The following RAP1A variants were observed in gnomAD, a reference collection of about 807,000 sequenced individuals.
RAP1A encodes the protein ras-related protein Rap-1A.
In RAP1A, 6 loss-of-function variants were observed where a neutral mutation model predicts 26.4. That is an observed-to-expected ratio of 0.23 (90% confidence interval 0.12 to 0.45). The LOEUF (loss-of-function observed/expected upper bound fraction) is 0.45. Ranked by LOEUF, RAP1A falls within the 20% of genes least tolerant of loss-of-function variation. The pLI is 0.99. For missense variants in RAP1A, 121 were observed against 217.2 expected (o/e 0.56, Z 2.78); for synonymous variants, 73 against 79.4 (o/e 0.92, Z 0.43).
At chr1:111,655,151 C>T (rs1260631065) in intron 1 of RAP1A, among the ~76,000 whole-genome samples, 2 of 150,860 alleles carry the variant, frequency 1.3e-5, no homozygotes, top group Non-Finnish European at 2.9e-5. Context: ...CACTGGTACC[C>T]AATCCTTAGC....
upstream of RAP1A, among the ~76,000 whole-genome samples, chr1:111,616,927 CAT>C (rs1422280881): frequency 1.3e-5 from 2 of 152,194 alleles, no homozygotes. Flanking sequence ...CTTTTCATTG[CAT>C]AGAGAACAGA....
intron 1 of RAP1A, among the ~76,000 whole-genome samples, chr1:111,562,164 C>G (rs979274744): frequency 1.3e-5 from 2 of 152,100 alleles, no homozygotes; most frequent in African/African-American, 4.8e-5. Flanking sequence ...GTGGACAAAT[C>G]TTAGCTATTC....
At chr1:111,706,206 G>C (rs1489569402) in intron 6 of RAP1A, among the ~76,000 whole-genome samples, 2 of 152,176 alleles carry the variant, frequency 1.3e-5, no homozygotes, top group African/African-American at 4.8e-5. Flanking sequence ...CTCAGTTCTT[G>C]AGAGTGGGGA....
rs572730123 is a variant in RAP1A, at chr1:111,585,505, C to T, written c.-28+42996C>T. 4.0e-5 allele frequency among the ~76,000 whole-genome samples: 6 copies of T among 151,784 alleles called. No homozygotes were observed. The East Asian group carries it at 5.8e-4, about 15-fold the overall frequency. ...CAACAGAAAAAAAAAAGCAGTAATA[C>T]GGTTTTTTTGATGTCAGTCTGAGCC... On this transcript the variant is annotated intron_variant, in intron 1 of 7. Transcript: ENST00000356415.
intron 1 of RAP1A, among the ~76,000 whole-genome samples, chr1:111,571,373 C>T (rs1658045914): frequency 6.6e-6 from 1 of 152,304 alleles, no homozygotes; most frequent in Admixed American, 6.5e-5. Context: ...AGCCCTGCCT[C>T]CCACCCTTTC....
chr1:111,656,890 C>T (rs566836628), intron 1 of RAP1A, among the ~76,000 whole-genome samples: 5 of 151,862 alleles, frequency 3.3e-5, no homozygotes, highest in Admixed American at 2.6e-4. Flanking sequence ...GTATACAATT[C>T]AGTAAAATTA....
chr1:111,620,404 C>T (rs1237306071), intron 1 of RAP1A, among the ~76,000 whole-genome samples: 2 of 152,032 alleles, frequency 1.3e-5, no homozygotes, highest in African/African-American at 4.8e-5. Flanking sequence ...TCAGAGCTTC[C>T]TTCAAACCCA....
intron 1 of RAP1A, among the ~76,000 whole-genome samples, chr1:111,688,361 C>T (rs1661560557): frequency 6.8e-6 from 1 of 147,734 alleles, no homozygotes; most frequent in South Asian, 2.1e-4. Flanking sequence ...GCTCTGTTGC[C>T]CAGGCTGCAG....
intron 1 of RAP1A, chr1:111,649,461 C>T (rs494357): frequency 0.13 from 44,933 of 332,878 alleles, 3,675 homozygotes; most frequent in Admixed American, 0.23. Flanking sequence ...CCTGGATAGA[C>T]GCTGGCCAGG....
chr1:111,588,196 C>T (rs537225733), intron 1 of RAP1A, among the ~76,000 whole-genome samples: 63 of 152,322 alleles, frequency 4.1e-4, no homozygotes, highest in African/African-American at 1.3e-3. Flanking sequence ...CCCCTCCTCA[C>T]CCACACATCT....
Position 111,643,001 on chromosome 1 carries a change from A to T in RAP1A, c.-28+23067A>T, listed in dbSNP as rs2763851. ...TGGTCAGGCTGGTCTCAAACTCCTG[A>T]TCTTGTGATCTGCCCACCTCAGCCT... is the stretch of plus-strand genomic sequence containing the variant. On this transcript the variant is annotated intron_variant, in intron 1 of 7. Coordinates refer to ENST00000369709, the MANE Select transcript of RAP1A (RefSeq NM_002884.4). Among the ~76,000 whole-genome samples the T allele has an allele frequency of 6.3e-3, 950 of 151,272 alleles. 12 individuals carry two copies. Among genetic ancestry groups the T allele is most frequent in the African/African-American group, 0.022 (901 of 41,162 alleles).
intron 1 of RAP1A, among the ~76,000 whole-genome samples, chr1:111,556,439 T>C (rs1297823384): frequency 1.3e-5 from 2 of 152,306 alleles, no homozygotes; most frequent in East Asian, 3.9e-4. Context: ...CTTGAACAGA[T>C]ATTTGTACAC....
intron 1 of RAP1A, among the ~76,000 whole-genome samples, chr1:111,650,726 G>A (rs1660239112): frequency 6.6e-6 from 1 of 152,064 alleles, no homozygotes; most frequent in African/African-American, 2.4e-5. Context: ...GTTTACCTTA[G>A]AGTTCACTTT....
chr1:111,582,321 C>T (rs2101061386), intron 1 of RAP1A, among the ~76,000 whole-genome samples: 1 of 152,280 alleles, frequency 6.6e-6, no homozygotes, highest in Non-Finnish European at 1.5e-5. Flanking sequence ...AGCCATGTAG[C>T]TAAGTCTTTT....
intron 1 of RAP1A, among the ~76,000 whole-genome samples, chr1:111,548,472 C>G (rs548990306): frequency 5.9e-5 from 9 of 152,306 alleles, no homozygotes; most frequent in South Asian, 2.1e-4. Flanking sequence ...CCTTTGAAAG[C>G]TCTGCTCTTT....
intron 2 of RAP1A, among the ~76,000 whole-genome samples, chr1:111,692,479 T>C (rs956780490): frequency 6.6e-6 from 1 of 152,198 alleles, no homozygotes; most frequent in African/African-American, 2.4e-5. Flanking sequence ...TAATGGCATA[T>C]AACTTTCAAT....
chr1:111,583,876 CTTTTTTT>C (rs71099920), intron 1 of RAP1A, among the ~76,000 whole-genome samples: 36 of 90,100 alleles, frequency 4.0e-4, no homozygotes, highest in African/African-American at 1.3e-3. Context: ...ATTGTTATTT[CTTTTTTT>C]TTTTTTTTTT....
At chr1:111,664,387 A>ACC (rs1660738647) in intron 1 of RAP1A, among the ~76,000 whole-genome samples, 1 of 150,970 alleles carries the variant, frequency 6.6e-6, no homozygotes, top group African/African-American at 2.4e-5. Context: ...AAAAAAAAAA[A>ACC]AAAAAAAAAA....
At chr1:111,570,573 A>G (rs74698543) in intron 1 of RAP1A, among the ~76,000 whole-genome samples, 226 of 152,252 alleles carry the variant, frequency 1.5e-3, no homozygotes, top group African/African-American at 4.7e-3. Context: ...GTGCTGCTAT[A>G]AAAGAATACC....
Sources: gnomAD v4.1 joint callset for allele counts (sites outside exome capture counted in the v4.1 genomes callset) on GRCh38, gnomAD v4.1.1 for gene constraint, MANE v1.5 for transcripts, NCBI Gene and HGNC (gene_info 2026-07-23, HGNC 2026-07-21) for gene names.